RERE: variants seen among roughly 807,000 people sequenced by gnomAD.
The protein encoded by RERE is arginine-glutamic acid dipeptide repeats protein.
Under a neutral mutation model 146.1 loss-of-function variants are expected in RERE, and 40 were observed. The ratio of observed to expected loss-of-function variants is 0.27; its 90% CI spans 0.21 to 0.36. RERE has a LOEUF of 0.36. Ranked by LOEUF, RERE falls within the 10% of genes least tolerant of loss-of-function variation. The probability of loss-of-function intolerance (pLI) is 1.00; values close to 1 mark genes in which losing one functional copy is unlikely to be tolerated. For missense variants in RERE, 1,933 were observed against 2,138.7 expected (o/e 0.90, Z 1.90); for synonymous variants, 1,003 against 866.0 (o/e 1.16, Z -2.78).
Position 8,730,634 on chromosome 1 carries a change from C to T in RERE, c.-144-74193G>A, listed in dbSNP as rs576201980. Among the ~76,000 whole-genome samples, 9 of 152,270 alleles carry T rather than the reference C, an allele frequency of 5.9e-5. No individual in the cohort carries two copies. In the South Asian group the frequency reaches 6.2e-4, roughly 11 times the overall value. On this transcript the variant is annotated intron_variant, in intron 1 of 22. Coordinates refer to ENST00000400908, the MANE Select transcript of RERE (RefSeq NM_001042681.2). ...TTGGGATTACAGGCATGAGCCACTA[C>T]GCCCAGTCTGGTTTTGTTTTTTGAG... is the stretch of plus-strand genomic sequence containing the variant.
chr1:8,659,309 C>T (rs1358273728), intron 1 of RERE, among the ~76,000 whole-genome samples: 2 of 152,220 alleles, frequency 1.3e-5, no homozygotes, highest in East Asian at 3.8e-4. Context: ...GTCATCCCAG[C>T]ACTTTGGGAG....
At chr1:8,651,058 C>G (rs771243322) in intron 2 of RERE, among the ~76,000 whole-genome samples, 3 of 151,814 alleles carry the variant, frequency 2.0e-5, no homozygotes, top group Non-Finnish European at 2.9e-5. Context: ...GATCTCACAA[C>G]TGCATCAAGC....
intron 10 of RERE, among the ~76,000 whole-genome samples, chr1:8,478,981 G>A (rs1404585898): frequency 6.6e-6 from 1 of 152,168 alleles, no homozygotes; most frequent in African/African-American, 2.4e-5. Flanking sequence ...GCATAAGGAA[G>A]CCAAATACTC....
At chr1:8,554,880 C>A (rs1404939485) in intron 6 of RERE, among the ~76,000 whole-genome samples, 6 of 152,058 alleles carry the variant, frequency 3.9e-5, no homozygotes, top group African/African-American at 1.5e-4. Context: ...TCCCAGCTAA[C>A]AATATTCCAG....
rs144748159 is a variant in RERE at position 8,645,473 on chromosome 1, G to T, written c.325+10500C>A. ...TGCAATGGACTCATTTTATATCTGCGTTAGCTTGAAAAAGACTGGGAAGCA... is the reference window on the plus strand; with the variant it reads ...TGCAATGGACTCATTTTATATCTGCTTTAGCTTGAAAAAGACTGGGAAGCA... On this transcript the variant is annotated intron_variant, in intron 2 of 22. Transcript: ENST00000400908. Among the ~76,000 whole-genome samples, 252 of 152,196 alleles carry T rather than the reference G, an allele frequency of 1.7e-3. 1 individual carries two copies. The highest frequency in any genetic ancestry group is 5.8e-3 in the African/African-American group (241 of 41,520).
intron 11 of RERE, among the ~76,000 whole-genome samples, chr1:8,434,009 G>A (rs979421730): frequency 1.3e-5 from 2 of 152,288 alleles, no homozygotes; most frequent in Non-Finnish European, 2.9e-5. Flanking sequence ...ATGAGAAGGA[G>A]CACTTGGGAA....
In RERE at chr1:8,790,015, T is replaced by C. The variant is rs556208925; in HGVS notation, c.-145+27145A>G. Among the ~76,000 whole-genome samples the C allele has an allele frequency of 2.0e-5, 3 of 152,320 alleles. No individual in the cohort carries two copies. In the East Asian group the frequency reaches 5.8e-4, roughly 29 times the overall value. On this transcript the variant is annotated intron_variant, in intron 1 of 22. Coordinates refer to ENST00000400908, the MANE Select transcript of RERE (RefSeq NM_001042681.2). ...TTCTTGCAAGGCTTCCCTCCTAAATTCTGAGGCCAAAGATAGTAACTTTTA... is the reference window on the plus strand; with the variant it reads ...TTCTTGCAAGGCTTCCCTCCTAAATCCTGAGGCCAAAGATAGTAACTTTTA...
intron 9 of RERE, among the ~76,000 whole-genome samples, chr1:8,496,960 T>G (rs1429695465): frequency 6.6e-6 from 1 of 152,226 alleles, no homozygotes; most frequent in African/African-American, 2.4e-5. Context: ...TGTGCCGTGG[T>G]GCTCTGCTGC....
At position 8,392,799 on chromosome 1, in the gene RERE, T is replaced by C. The variant is rs373519984; in HGVS notation, c.1285-26825A>G. Among the ~76,000 whole-genome samples, 11 of 152,298 alleles carry C rather than the reference T, an allele frequency of 7.2e-5. No individual in the cohort carries two copies. In the South Asian group the frequency reaches 2.1e-3, roughly 29 times the overall value. Reference sequence around the variant, plus strand: ...ATCCTGTCTGGAAGATTACCAGCCCTGGAGGGATGTTTGCGAGCAAAGTTT... The same window carrying C: ...ATCCTGTCTGGAAGATTACCAGCCCCGGAGGGATGTTTGCGAGCAAAGTTT... On this transcript the variant is annotated intron_variant, in intron 12 of 22. Coordinates refer to ENST00000400908, the MANE Select transcript of RERE (RefSeq NM_001042681.2).
intron 7 of RERE, among the ~76,000 whole-genome samples, chr1:8,531,091 AT>A (rs1202772307): frequency 6.6e-6 from 1 of 151,028 alleles, no homozygotes; most frequent in Non-Finnish European, 1.5e-5. Flanking sequence ...CTATCTGTCC[AT>A]CTTTCTATCT....
chr1:8,691,045 G>C (rs963968014), intron 1 of RERE, among the ~76,000 whole-genome samples: 1 of 151,886 alleles, frequency 6.6e-6, no homozygotes, highest in African/African-American at 2.4e-5. Context: ...CTATAGGCGC[G>C]CACCACCACG....
chr1:8,564,799 G>GGT (rs1205410535), intron 4 of RERE, among the ~76,000 whole-genome samples: 5 of 126,450 alleles, frequency 4.0e-5, no homozygotes, highest in African/African-American at 1.2e-4. Context: ...CAGAAAATGT[G>GGT]GTGTGTGTGT....
At chr1:8,420,784 G>A (rs1413581924) in intron 12 of RERE, among the ~76,000 whole-genome samples, 2 of 152,204 alleles carry the variant, frequency 1.3e-5, no homozygotes, top group East Asian at 1.9e-4. Flanking sequence ...CTGTGAAGGC[G>A]GAGGAGTGAT....
chr1:8,435,298 T>G (rs1644154575), intron 11 of RERE, among the ~76,000 whole-genome samples: 1 of 152,230 alleles, frequency 6.6e-6, no homozygotes, highest in South Asian at 2.1e-4. Context: ...GCCTTTGTTT[T>G]GTTCACTATT....
chr1:8,492,459 T>G (rs1373713361), intron 10 of RERE, among the ~76,000 whole-genome samples: 2 of 152,174 alleles, frequency 1.3e-5, no homozygotes, highest in Non-Finnish European at 2.9e-5. Flanking sequence ...CACAAAGCTT[T>G]TATACAGAGA....
At chr1:8,688,768 CTT>C (rs1008426279) in intron 1 of RERE, among the ~76,000 whole-genome samples, 1 of 152,158 alleles carries the variant, frequency 6.6e-6, no homozygotes, top group African/African-American at 2.4e-5. Context: ...ATATCCAACA[CTT>C]TCTTATATAA....
intron 1 of RERE, among the ~76,000 whole-genome samples, chr1:8,666,355 C>G (rs1380720732): frequency 6.6e-6 from 1 of 152,192 alleles, no homozygotes; most frequent in Non-Finnish European, 1.5e-5. Flanking sequence ...GTGTTAGCAT[C>G]CTCCTTTAGG....
chr1:8,444,228 T>TC (rs1644289129), intron 11 of RERE, among the ~76,000 whole-genome samples: 1 of 152,168 alleles, frequency 6.6e-6, no homozygotes. Flanking sequence ...GCAAATGGAG[T>TC]CAAGGGCTAT....
intron 6 of RERE, among the ~76,000 whole-genome samples, chr1:8,550,047 AT>A (rs1436220692): frequency 6.6e-6 from 1 of 152,242 alleles, no homozygotes; most frequent in African/African-American, 2.4e-5. Context: ...CTTTAGTCTA[AT>A]GCTATTGTAT....
Sources: allele counts gnomAD v4.1 joint callset (sites outside exome capture counted in the v4.1 genomes callset), GRCh38; gene constraint gnomAD v4.1.1; transcripts MANE v1.5; gene names NCBI Gene and HGNC (gene_info 2026-07-23, HGNC 2026-07-21).